Variants in PCDHA1 observed in about 807,000 individuals in gnomAD.
PCDHA1 encodes protocadherin alpha-1.
Under a neutral mutation model 61.3 loss-of-function variants are expected in PCDHA1, and 42 were observed. The ratio of observed to expected loss-of-function variants is 0.69; its 90% confidence interval spans 0.54 to 0.89. The LOEUF (loss-of-function observed/expected upper bound fraction) is 0.89, where lower values mean the gene tolerates loss of function less well. PCDHA1 is among the 40% of genes least tolerant of loss of function. PCDHA1 has a pLI of 0.00. For synonymous variants in PCDHA1, 610 were observed against 553.8 expected (o/e 1.10, Z -1.43); for missense variants, 1,256 against 1,235.3 (o/e 1.02, Z -0.25).
At chr5:140,887,539 C>T in intron 1 of PCDHA1, among the ~76,000 whole-genome samples, 1 of 152,082 alleles carries the variant, frequency 6.6e-6, no homozygotes, top group East Asian at 1.9e-4. Flanking sequence ...CCTCTCCCCA[C>T]CCCTCATGGT....
intron 3 of PCDHA1, among the ~76,000 whole-genome samples, chr5:140,990,850 T>C (rs528860965): frequency 3.3e-5 from 5 of 152,312 alleles, no homozygotes; most frequent in African/African-American, 1.2e-4. Context: ...AATAGAGCCC[T>C]GAGGACATTG....
At chr5:140,789,484 CCAAA>C (rs1435017004) in intron 1 of PCDHA1, among the ~76,000 whole-genome samples, 5 of 151,878 alleles carry the variant, frequency 3.3e-5, no homozygotes, top group Admixed American at 6.6e-5. Context: ...AACCGACCAA[CCAAA>C]CAAACAAAAA....
At chr5:140,801,767 A>G in intron 1 of PCDHA1, 1 of 1,614,000 alleles carries the variant, frequency 6.2e-7, no homozygotes, top group Non-Finnish European at 8.5e-7. Context: ...AGGAAATTAA[A>G]TCCCTTGGAC....
rs1214081504 is a variant in PCDHA1, at chr5:140,848,716, T to C, written c.2394+60032T>C. On this transcript the variant is annotated intron_variant, in intron 1 of 3. Coordinates refer to ENST00000504120, the MANE Select transcript of PCDHA1 (RefSeq NM_018900.4). Reference sequence around the variant, plus strand: ...TTGGATTCCAAAGGCCGCGGGGACCTTCTGGAGGTAAATCTGCAGAATGGC... The same window carrying C: ...TTGGATTCCAAAGGCCGCGGGGACCCTCTGGAGGTAAATCTGCAGAATGGC... 1 of 1,592,460 alleles carries C rather than the reference T, an allele frequency of 6.3e-7. No homozygotes were observed.
rs555838945 is a variant in PCDHA1, at chr5:140,927,094, G to A, written c.2395-51855G>A. On this transcript the variant is annotated intron_variant, in intron 1 of 3. Coordinates refer to ENST00000504120, the MANE Select transcript of PCDHA1 (RefSeq NM_018900.4). ...CAGCCACCGCGAGCTCTACTTCGGG[G>A]TGGATCTACCCAGCGGCAATTTGGT... 5 of 1,612,890 alleles carry A rather than the reference G, an allele frequency of 3.1e-6. No homozygotes were observed. In the Admixed American group the frequency reaches 8.3e-5, roughly 27 times the overall value.
rs945250298 is a variant in PCDHA1 at position 140,897,146 on chromosome 5, A to G, written c.2395-81803A>G. Among the ~76,000 whole-genome samples the G allele has an allele frequency of 5.3e-5, 8 of 152,258 alleles. No individual in the cohort carries two copies. In the East Asian group the frequency reaches 1.5e-3, roughly 29 times the overall value. On this transcript the variant is annotated intron_variant, in intron 1 of 3. Coordinates refer to ENST00000504120, the MANE Select transcript of PCDHA1 (RefSeq NM_018900.4). Reference sequence around the variant, plus strand: ...CCCACTAAACTTTCTAGCCTTTGTTAACCATTCTTCTACTGTCTATCTCCA... The same window carrying G: ...CCCACTAAACTTTCTAGCCTTTGTTGACCATTCTTCTACTGTCTATCTCCA...
intron 1 of PCDHA1, chr5:140,876,746 T>C (rs1411489174): frequency 3.7e-6 from 6 of 1,614,098 alleles, no homozygotes; most frequent in Admixed American, 3.3e-5. Flanking sequence ...GAGCTGGTGG[T>C]GACTGCGCGG....
intron 1 of PCDHA1, among the ~76,000 whole-genome samples, chr5:140,890,344 A>T (rs1482265903): frequency 1.3e-5 from 2 of 152,196 alleles, no homozygotes; most frequent in Admixed American, 6.5e-5. Context: ...GGGATGGTTT[A>T]CTATATAGCA....
chr5:140,787,790 C>T lies in PCDHA1; in HGVS notation c.1500C>T (p.Gly500=), dbSNP rs782089114. 1 of 1,612,416 alleles carries T rather than the reference C, an allele frequency of 6.2e-7. No homozygotes were observed. The highest frequency in any genetic ancestry group is 2.2e-5 in the East Asian group (1 of 44,872). The change falls in exon 1 of 4, where the codon GGC becomes GGT. Residue 500 remains glycine (G), a synonymous_variant. Transcript: ENST00000504120. ...ATTCGCTGGTGGAACGGCGGGTGGG[C>T]GAGCGCGCGCTGTCGAACTACGTGT... ...VSYSLVERRV[G]ERALSNYVSV...
chr5:140,990,686 G>A (rs1391341936), intron 3 of PCDHA1, among the ~76,000 whole-genome samples: 1 of 152,124 alleles, frequency 6.6e-6, no homozygotes, highest in Admixed American at 6.5e-5. Context: ...AGCTGCTTTC[G>A]GAGAGTCCAG....
intron 1 of PCDHA1, chr5:140,807,133 T>G: frequency 2.6e-6 from 4 of 1,559,192 alleles, no homozygotes; most frequent in Non-Finnish European, 3.5e-6. Flanking sequence ...ATTAAAAGAT[T>G]TCCCTTGACT....
chr5:141,003,574 A>T (rs559561339), intron 3 of PCDHA1, among the ~76,000 whole-genome samples: 1 of 151,680 alleles, frequency 6.6e-6, no homozygotes, highest in African/African-American at 2.4e-5. Context: ...CAGACTCCCA[A>T]AGTGCTGGGA....
At chr5:140,875,304 A>G in intron 1 of PCDHA1, 6 of 1,416,398 alleles carry the variant, frequency 4.2e-6, no homozygotes, top group Non-Finnish European at 5.5e-6. Context: ...TTTTCTCCGC[A>G]CCCACATTCC....
chr5:140,853,955 T>C (rs1554146923), intron 1 of PCDHA1: 2 of 752,526 alleles, frequency 2.7e-6, no homozygotes, highest in Non-Finnish European at 3.3e-6. Context: ...GGTCCCTTCC[T>C]TGAGCCCAGC....
At position 140,974,381 on chromosome 5, in the gene PCDHA1, G is replaced by A. The variant is rs782006620; in HGVS notation, c.2395-4568G>A. 3.3e-5 allele frequency among the ~76,000 whole-genome samples: 5 copies of A among 152,272 alleles called. No homozygotes were observed. In the East Asian group the frequency reaches 7.7e-4, roughly 23 times the overall value. On this transcript the variant is annotated intron_variant, in intron 1 of 3. Transcript: ENST00000504120. ...AGACCTAGCACTTTCTGTTGTACTG[G>A]AACCCATTAGGTATGTTCTAAAGTT...
chr5:140,954,543 A>G (rs1344952646), intron 1 of PCDHA1, among the ~76,000 whole-genome samples: 1 of 151,924 alleles, frequency 6.6e-6, no homozygotes, highest in Non-Finnish European at 1.5e-5. Flanking sequence ...TTTTTTTCAT[A>G]TGTTTGTTGG....
intron 1 of PCDHA1, among the ~76,000 whole-genome samples, chr5:140,960,257 C>T (rs1554224600): frequency 6.6e-6 from 1 of 152,186 alleles, no homozygotes; most frequent in African/African-American, 2.4e-5. Flanking sequence ...CCTGGAGCTT[C>T]TGATAAATTC....
chr5:140,958,867 T>A (rs1312043891), intron 1 of PCDHA1, among the ~76,000 whole-genome samples: 1 of 152,146 alleles, frequency 6.6e-6, no homozygotes, highest in Admixed American at 6.5e-5. Context: ...ACTGGGTTTA[T>A]AAAAGAATTG....
In PCDHA1 at chr5:140,967,951, C is replaced by G. The variant is rs150201840; in HGVS notation, c.2395-10998C>G. On this transcript the variant is annotated intron_variant, in intron 1 of 3. Transcript: ENST00000504120. ...TCAGTGTCAATGACCAAGACTCAGG[C>G]CCCAACCGGAAAGTGAGCCTGGGTC... 6 of 1,614,078 alleles carry G rather than the reference C, an allele frequency of 3.7e-6. No homozygotes were observed. The African/African-American group carries it at 6.7e-5, about 18-fold the overall frequency.
Sources: gnomAD v4.1 joint callset for allele counts (sites outside exome capture counted in the v4.1 genomes callset) on GRCh38, gnomAD v4.1.1 for gene constraint, MANE v1.5 for transcripts, NCBI Gene and HGNC (gene_info 2026-07-23, HGNC 2026-07-21) for gene names.